Variants in COL26A1 observed in about 807,000 individuals in gnomAD.
COL26A1 encodes the protein collagen alpha-1(XXVI) chain.
A neutral mutation model predicts 59.3 loss-of-function variants in COL26A1; 41 were observed. That is an observed-to-expected ratio of 0.69 (90% CI 0.54 to 0.90). The LOEUF (loss-of-function observed/expected upper bound fraction) is 0.90, where lower values mean the gene tolerates loss of function less well. COL26A1 is among the 40% of genes least tolerant of loss of function. The pLI is 0.00. For synonymous variants in COL26A1, 266 were observed against 256.0 expected, an observed-to-expected ratio of 1.04 and a Z score of -0.37; for missense variants, 612 against 602.3, an observed-to-expected ratio of 1.02 and a Z score of -0.17.
chr7:101,413,245 G>A (rs903732760), intron 1 of COL26A1, among the ~76,000 whole-genome samples: 4 of 152,074 alleles, frequency 2.6e-5, no homozygotes, highest in South Asian at 2.1e-4. Context: ...GTGGCCGGGC[G>A]CGGTGGCTCG....
chr7:101,478,285 G>A (rs1794091808), intron 3 of COL26A1, among the ~76,000 whole-genome samples: 2 of 152,172 alleles, frequency 1.3e-5, no homozygotes, highest in Admixed American at 1.3e-4. Flanking sequence ...CCAGCTCATT[G>A]ATATCTTTTA....
At chr7:101,477,354 G>A (rs1440179392) in intron 3 of COL26A1, among the ~76,000 whole-genome samples, 1 of 152,166 alleles carries the variant, frequency 6.6e-6, no homozygotes, top group Non-Finnish European at 1.5e-5. Context: ...GTGTGCATTA[G>A]CATGCGGAGT....
At chr7:101,383,338 A>G (rs1791490957) in intron 1 of COL26A1, among the ~76,000 whole-genome samples, 1 of 151,482 alleles carries the variant, frequency 6.6e-6, no homozygotes, top group African/African-American at 2.4e-5. Context: ...GGAGAATTTT[A>G]TTTTTTATTT....
intron 3 of COL26A1, among the ~76,000 whole-genome samples, chr7:101,468,131 C>A (rs990281709): frequency 6.6e-6 from 1 of 151,526 alleles, no homozygotes; most frequent in African/African-American, 2.4e-5. Flanking sequence ...GGTGAAACCC[C>A]GTCTCTACTA....
intron 3 of COL26A1, among the ~76,000 whole-genome samples, chr7:101,490,319 C>T (rs551890272): frequency 6.6e-6 from 1 of 152,158 alleles, no homozygotes; most frequent in South Asian, 2.1e-4. Context: ...TCAAGCGATC[C>T]TACCACCAGG....
intron 1 of COL26A1, among the ~76,000 whole-genome samples, chr7:101,400,995 C>T (rs991299802): frequency 7.2e-5 from 11 of 152,164 alleles, no homozygotes; most frequent in Non-Finnish European, 1.6e-4. Context: ...GCTGCAGTTA[C>T]ACGGGTCAGG....
At chr7:101,368,056 A>G (rs1791092199) in intron 1 of COL26A1, among the ~76,000 whole-genome samples, 1 of 151,654 alleles carries the variant, frequency 6.6e-6, no homozygotes. Flanking sequence ...CTTTTTCAGG[A>G]TTTTGTTGGT....
At chr7:101,497,066 C>T (rs1348552637) in intron 3 of COL26A1, among the ~76,000 whole-genome samples, 2 of 151,754 alleles carry the variant, frequency 1.3e-5, no homozygotes, top group Non-Finnish European at 2.9e-5. Flanking sequence ...GGTGAAACTC[C>T]GTCTCTACTA....
intron 3 of COL26A1, among the ~76,000 whole-genome samples, chr7:101,496,887 A>AG (rs1794600972): frequency 6.6e-6 from 1 of 151,498 alleles, no homozygotes. Context: ...CTCAAAGAAA[A>AG]AAAAAAAAAA....
intron 3 of COL26A1, among the ~76,000 whole-genome samples, chr7:101,478,566 A>G (rs1369628679): frequency 6.6e-6 from 1 of 152,220 alleles, no homozygotes; most frequent in Non-Finnish European, 1.5e-5. Context: ...CATAAAATAC[A>G]TATATACTTA....
intron 10 of COL26A1, among the ~76,000 whole-genome samples, chr7:101,552,984 C>CTGT (rs1460499939): frequency 3.3e-5 from 5 of 152,200 alleles, no homozygotes; most frequent in African/African-American, 1.2e-4. Flanking sequence ...TGGAGACAGA[C>CTGT]AGCAGCCCTT....
In COL26A1 at chr7:101,544,092, G is replaced by T. The variant is rs765235154; in HGVS notation, c.699G>T (p.Pro233=). 13 of 1,598,934 alleles carry T rather than the reference G, an allele frequency of 8.1e-6. No individual in the cohort carries two copies. The highest frequency in any genetic ancestry group is 1.1e-5 in the Non-Finnish European group (13 of 1,173,166). Residue 233 remains proline (P), a synonymous_variant, in exon 6 of 13, where the codon CCG becomes CCT. Coordinates refer to ENST00000313669, the MANE Select transcript of COL26A1 (RefSeq NM_001278563.3). ...GQTGEKGPAG[P]PGLLGPPGPR... ...CAGGAGAGAAGGGTCCAGCGGGGCC[G>T]CCTGGTAAGAAAACCCCCCACATAT...
Position 101,393,008 on chromosome 7 carries a change from T to G in COL26A1, c.159-26969T>G, listed in dbSNP as rs1281484624. Reference sequence around the variant, plus strand: ...TTTCAATAAAAAAATGTTTTTTTGTTTTTTTTTTTTTTGAGATGGAGTCTC... The same window carrying G: ...TTTCAATAAAAAAATGTTTTTTTGTGTTTTTTTTTTTTGAGATGGAGTCTC... On this transcript the variant is annotated intron_variant, in intron 1 of 12. Coordinates refer to ENST00000313669, the MANE Select transcript of COL26A1 (RefSeq NM_001278563.3). Among the ~76,000 whole-genome samples, 44 of 9,800 alleles carry G rather than the reference T, an allele frequency of 4.5e-3. No individual in the cohort carries two copies. The Admixed American group carries it at 0.067, about 15-fold the overall frequency. The allele number at this position is 9,800 out of a possible 152,430, so 6.4% of individuals were successfully genotyped here.
chr7:101,402,653 TCC>T (rs1437122294), intron 1 of COL26A1, among the ~76,000 whole-genome samples: 295 of 111,302 alleles, frequency 2.7e-3, no homozygotes, highest in African/African-American at 9.8e-3. Context: ...CTCCCTTCCT[TCC>T]TTCCTTCCCT....
At chr7:101,433,282 C>T (rs183907609) in intron 2 of COL26A1, among the ~76,000 whole-genome samples, 29 of 152,186 alleles carry the variant, frequency 1.9e-4, no homozygotes, top group Admixed American at 6.5e-4. Flanking sequence ...CAAGATCATA[C>T]CACTGCACTC....
chr7:101,519,145 C>T (rs140628263), intron 3 of COL26A1, among the ~76,000 whole-genome samples: 1 of 152,196 alleles, frequency 6.6e-6, no homozygotes, highest in African/African-American at 2.4e-5. Context: ...TCCAGGTAAT[C>T]TGTCTGGCAG....
chr7:101,448,159 C>T (rs1039819555), intron 3 of COL26A1, among the ~76,000 whole-genome samples: 21 of 152,352 alleles, frequency 1.4e-4, no homozygotes, highest in South Asian at 4.1e-4. Context: ...TGAGCAAATG[C>T]GGATGAGGTC....
intron 3 of COL26A1, among the ~76,000 whole-genome samples, chr7:101,486,870 G>A (rs928337574): frequency 6.6e-6 from 1 of 152,202 alleles, no homozygotes. Flanking sequence ...GACCCTGTAC[G>A]ATGAATTCTA....
intron 7 of COL26A1, among the ~76,000 whole-genome samples, chr7:101,546,173 C>G (rs1360399813): frequency 6.6e-6 from 1 of 152,198 alleles, no homozygotes; most frequent in Non-Finnish European, 1.5e-5. Context: ...GGAGGCCAGG[C>G]AGAGGAGTCC....
Sources: gnomAD v4.1 joint callset for allele counts (sites outside exome capture counted in the v4.1 genomes callset) on GRCh38, gnomAD v4.1.1 for gene constraint, MANE v1.5 for transcripts, NCBI Gene and HGNC (gene_info 2026-07-23, HGNC 2026-07-21) for gene names.